The following PRKCE variants were observed in gnomAD, a reference collection of about 807,000 sequenced individuals.
PRKCE encodes protein kinase C epsilon, also known as protein kinase C epsilon type.
PRKCE carries 16 observed loss-of-function variants against 85.4 expected under a neutral mutation model. The ratio of observed to expected loss-of-function variants is 0.19; its 90% CI spans 0.13 to 0.28. PRKCE has a LOEUF of 0.28. Ranked by LOEUF, PRKCE falls within the 10% of genes least tolerant of loss-of-function variation. The probability of loss-of-function intolerance (pLI) is 1.00; values close to 1 mark genes in which losing one functional copy is unlikely to be tolerated. For missense variants in PRKCE, 573 were observed against 975.2 expected (o/e 0.59, Z 5.49); for synonymous variants, 388 against 371.5 (o/e 1.04, Z -0.51).
At chr2:45,778,511 T>A (rs1251048599) in intron 1 of PRKCE, among the ~76,000 whole-genome samples, 1 of 152,104 alleles carries the variant, frequency 6.6e-6, no homozygotes, top group Non-Finnish European at 1.5e-5. Context: ...TGTTCCGCCT[T>A]TGAGATGGTC....
At chr2:45,917,167 G>A (rs538052120) in intron 2 of PRKCE, among the ~76,000 whole-genome samples, 25 of 152,258 alleles carry the variant, frequency 1.6e-4, no homozygotes, top group Admixed American at 7.8e-4. Context: ...TGATTGGTGC[G>A]TTTACAATCC....
chr2:46,084,417 A>T (rs1438410050), intron 10 of PRKCE, among the ~76,000 whole-genome samples: 1 of 152,272 alleles, frequency 6.6e-6, no homozygotes, highest in East Asian at 1.9e-4. Context: ...CTTCACTTAG[A>T]CTATACCTAT....
chr2:45,678,592 G>A (rs1425197196), intron 1 of PRKCE, among the ~76,000 whole-genome samples: 1 of 146,500 alleles, frequency 6.8e-6, no homozygotes, highest in East Asian at 2.3e-4. Context: ...TAAGAGGTTA[G>A]AAGGCAAACG....
intron 10 of PRKCE, among the ~76,000 whole-genome samples, chr2:46,030,945 C>T (rs887137139): frequency 3.3e-5 from 5 of 152,276 alleles, no homozygotes; most frequent in East Asian, 1.9e-4. Flanking sequence ...GTGTCTTGCA[C>T]GGTCCTGTAT....
At chr2:45,898,659 C>T (rs1696333990) in intron 2 of PRKCE, among the ~76,000 whole-genome samples, 1 of 152,214 alleles carries the variant, frequency 6.6e-6, no homozygotes. Context: ...ATTACCACTA[C>T]TGTTACTGTG....
intron 2 of PRKCE, among the ~76,000 whole-genome samples, chr2:45,870,216 G>C (rs1693981089): frequency 1.3e-5 from 2 of 152,186 alleles, no homozygotes; most frequent in South Asian, 4.1e-4. Flanking sequence ...GGAAAGTCAG[G>C]AGGACTGCTG....
intron 14 of PRKCE, among the ~76,000 whole-genome samples, chr2:46,163,072 C>T (rs371381828): frequency 2.0e-5 from 3 of 152,258 alleles, no homozygotes; most frequent in Admixed American, 6.5e-5. Flanking sequence ...TACGCCATCG[C>T]GCCCCTGTAA....
chr2:45,821,911 G>A (rs1362043188), intron 1 of PRKCE, among the ~76,000 whole-genome samples: 2 of 152,166 alleles, frequency 1.3e-5, no homozygotes, highest in Non-Finnish European at 2.9e-5. Flanking sequence ...TAGAGGCTGA[G>A]GATTGGCACC....
intron 2 of PRKCE, chr2:45,851,936 C>T (rs1160214168): frequency 6.6e-6 from 1 of 152,294 alleles, no homozygotes; most frequent in Non-Finnish European, 1.5e-5. Context: ...GCCAGGTGGC[C>T]TGGGCTCCCG....
At position 46,060,715 on chromosome 2, in the gene PRKCE, A is replaced by G. The variant is rs983418500; in HGVS notation, c.1438-25493A>G. On this transcript the variant is annotated intron_variant, in intron 10 of 14. Coordinates refer to ENST00000306156, the MANE Select transcript of PRKCE (RefSeq NM_005400.3). ...CCCAAAGAAATTGTCTAGTTCTGTCAATCTTATAGTCAGATTTTTTTCTCT... is the reference window on the plus strand; with the variant it reads ...CCCAAAGAAATTGTCTAGTTCTGTCGATCTTATAGTCAGATTTTTTTCTCT... Among the ~76,000 whole-genome samples, 8 of 150,300 alleles carry G rather than the reference A, an allele frequency of 5.3e-5. No individual in the cohort carries two copies. In the South Asian group the frequency reaches 8.5e-4, roughly 16 times the overall value.
In PRKCE at chr2:45,738,675, T is replaced by C. The variant is rs1256742028; in HGVS notation, c.348+86227T>C. On this transcript the variant is annotated intron_variant, in intron 1 of 14. Coordinates refer to ENST00000306156, the MANE Select transcript of PRKCE (RefSeq NM_005400.3). Reference sequence around the variant, plus strand: ...CTTGGGAAGGATCAGTGTGAGTTTCTATGAGGGCCTAAGGTGTGAATAACT... The same window carrying C: ...CTTGGGAAGGATCAGTGTGAGTTTCCATGAGGGCCTAAGGTGTGAATAACT... Among the ~76,000 whole-genome samples the C allele has an allele frequency of 3.3e-5, 5 of 152,254 alleles. No individual in the cohort carries two copies. In the South Asian group the frequency reaches 8.3e-4, roughly 25 times the overall value.
intron 2 of PRKCE, among the ~76,000 whole-genome samples, chr2:45,944,814 A>C (rs1700133558): frequency 6.6e-6 from 1 of 151,788 alleles, no homozygotes; most frequent in Non-Finnish European, 1.5e-5. Context: ...CCTCAATTTA[A>C]AAACAAAAAC....
chr2:46,175,073 T>C (rs1437507658), intron 14 of PRKCE, among the ~76,000 whole-genome samples: 1 of 152,140 alleles, frequency 6.6e-6, no homozygotes, highest in South Asian at 2.1e-4. Flanking sequence ...AAATCCTTCC[T>C]TCCTTGTTTT....
At chr2:45,849,580 C>T (rs71422178) in intron 2 of PRKCE, among the ~76,000 whole-genome samples, 3,230 of 152,296 alleles carry the variant, frequency 0.021, 49 homozygotes, top group Middle Eastern at 0.034. Context: ...CAAAGCCAGA[C>T]ACCAGCTCCA....
At chr2:45,760,705 G>A (rs907422556) in intron 1 of PRKCE, among the ~76,000 whole-genome samples, 11 of 152,190 alleles carry the variant, frequency 7.2e-5, no homozygotes, top group African/African-American at 2.7e-4. Context: ...AGGAGGCTTT[G>A]TAGTGGACAT....
chr2:46,178,248 G>T (rs1679623931), intron 14 of PRKCE, among the ~76,000 whole-genome samples: 1 of 152,124 alleles, frequency 6.6e-6, no homozygotes, highest in Admixed American at 6.5e-5. Flanking sequence ...CAACAAGAGC[G>T]AAACTCTGTC....
At chr2:46,152,212 C>T (rs1005309788) in intron 13 of PRKCE, among the ~76,000 whole-genome samples, 12 of 149,918 alleles carry the variant, frequency 8.0e-5, no homozygotes, top group African/African-American at 2.7e-4. Context: ...GACAGAGTCT[C>T]ACTGCAATGG....
At chr2:45,916,122 A>G (rs1033035342) in intron 2 of PRKCE, among the ~76,000 whole-genome samples, 3 of 152,056 alleles carry the variant, frequency 2.0e-5, no homozygotes, top group Non-Finnish European at 2.9e-5. Context: ...TGTCTGATGG[A>G]TTTCATGTTA....
At chr2:45,833,317 A>G (rs1438810617) in intron 1 of PRKCE, among the ~76,000 whole-genome samples, 2 of 152,150 alleles carry the variant, frequency 1.3e-5, no homozygotes, top group Admixed American at 1.3e-4. Flanking sequence ...TCTGTTTCAC[A>G]TGGATTCATT....
Sources: allele counts gnomAD v4.1 joint callset (sites outside exome capture counted in the v4.1 genomes callset), GRCh38; gene constraint gnomAD v4.1.1; transcripts MANE v1.5; gene names NCBI Gene and HGNC (gene_info 2026-07-23, HGNC 2026-07-21).